Variants in NOM1 observed in about 807,000 individuals in gnomAD.
NOM1 encodes the protein nucleolar protein with MIF4G domain 1, also known as nucleolar MIF4G domain-containing protein 1.
A neutral mutation model predicts 73.3 loss-of-function variants in NOM1; 58 were observed. The observed-to-expected ratio is 0.79, with a 90% CI of 0.64 to 0.99. The LOEUF (loss-of-function observed/expected upper bound fraction) is 0.99. Among genes scored for constraint, NOM1 ranks in the 50% least tolerant of loss-of-function variants. The pLI, the probability that NOM1 is intolerant of heterozygous loss-of-function variation, is 0.00. For synonymous variants in NOM1, 487 were observed against 446.8 expected (o/e 1.09, Z -1.14); for missense variants, 1,226 against 1,131.9 (o/e 1.08, Z -1.19).
chr7:156,956,342 A>C (rs11979077), intron 3 of NOM1, among the ~76,000 whole-genome samples: 10 of 152,046 alleles, frequency 6.6e-5, no homozygotes, highest in African/African-American at 1.2e-4. Context: ...ACTTAGATGA[A>C]CTTGTGCCTC....
intron 7 of NOM1, among the ~76,000 whole-genome samples, chr7:156,965,975 C>T (rs1009264957): frequency 6.6e-6 from 1 of 152,158 alleles, no homozygotes; most frequent in Non-Finnish European, 1.5e-5. Context: ...AGGGCACACA[C>T]GATTGAGTCA....
At chr7:156,967,444 C>G (rs1454253941) in intron 9 of NOM1, among the ~76,000 whole-genome samples, 1 of 152,284 alleles carries the variant, frequency 6.6e-6, no homozygotes, top group East Asian at 1.9e-4. Flanking sequence ...TGAGTTTGCT[C>G]ACGTTGATGT....
chr7:156,967,191 C>T (rs920555941), intron 9 of NOM1, 99 bp downstream of exon 9: 11 of 1,379,052 alleles, frequency 8.0e-6, no homozygotes, highest in African/African-American at 4.4e-5. Context: ...GTATTTTCTT[C>T]GATTCTGATT....
rs143353880 is a variant in NOM1, at chr7:156,949,982, G to C, written c.245G>C (p.Arg82Pro). 2.6e-6 allele frequency: 4 copies of C among 1,540,596 alleles called. No homozygotes were observed. The highest frequency in any genetic ancestry group is 2.0e-5 in the Admixed American group (1 of 51,008). Residue 82 changes from arginine (R) to proline (P), a missense_variant, in exon 1 of 11, where the codon CGT (arginine) becomes CCT (proline). Arg to Pro is a moderately radical substitution (Grantham distance 103). Transcript: ENST00000275820. ...VSFRPGGRKS[R>P]KELRKEKRHL... ...TTTCGCCCGGGAGGGAGAAAAAGCC[G>C]TAAGGAACTGAGGAAGGAGAAGCGG... is the stretch of plus-strand genomic sequence containing the variant.
intron 2 of NOM1, among the ~76,000 whole-genome samples, chr7:156,953,112 GTTTTTTTGTT>G (rs1563678244): frequency 1.4e-5 from 2 of 145,930 alleles, no homozygotes; most frequent in African/African-American, 5.2e-5. Flanking sequence ...TTCTGTGTAG[GTTTTTTTGTT>G]TTGTTTTGTT....
At chr7:156,960,875 G>T (rs1308580156) in intron 4 of NOM1, among the ~76,000 whole-genome samples, 1 of 152,150 alleles carries the variant, frequency 6.6e-6, no homozygotes, top group Non-Finnish European at 1.5e-5. Flanking sequence ...GGCAAATGTT[G>T]GGATCGTGGC....
In NOM1 at chr7:156,949,942, G is replaced by A. The variant is rs566790316; in HGVS notation, c.205G>A (p.Gly69Ser). ...GEAPGGCEGR[G>S]APVSFRPGGR... ...GGCTCCCGGGGGTTGCGAGGGGCGC[G>A]GCGCCCCGGTGAGCTTTCGCCCGGG... The change falls in exon 1 of 11, where the codon GGC (glycine) becomes AGC (serine). Residue 69 changes from glycine (G) to serine (S), a missense_variant. Physicochemically the swap from Gly to Ser is moderately conservative, Grantham distance 56. Coordinates refer to ENST00000275820, the MANE Select transcript of NOM1 (RefSeq NM_138400.2). The A allele has an allele frequency of 5.6e-5, 87 of 1,541,898 alleles. 1 individual carries two copies. The Middle Eastern group carries it at 8.4e-4, about 15-fold the overall frequency.
In NOM1 at chr7:156,963,097, TGTGGGGTCCGCCTGGA is replaced by T; in HGVS notation, c.1840_1855del (p.Ser614ProfsTer3). On this transcript the variant is annotated frameshift_variant, in exon 6 of 11. Transcript: ENST00000275820. LOFTEE classifies it high-confidence loss of function. ...CGGAGCAGACGGGTCGCTGGTGGAT[TGTGGGGTCCGCCTGGA>T]GTGGGGCCCCGATGATCGACAACAG... The T allele has an allele frequency of 6.2e-7, 1 of 1,614,152 alleles. No individual in the cohort carries two copies.
intron 2 of NOM1, among the ~76,000 whole-genome samples, chr7:156,953,145 G>A (rs749431170): frequency 1.3e-5 from 2 of 152,020 alleles, no homozygotes; most frequent in African/African-American, 2.4e-5. Context: ...GTTTTGAGAT[G>A]GAGTTTTTGC....
intron 7 of NOM1, among the ~76,000 whole-genome samples, chr7:156,965,503 G>A (rs76988918): frequency 1.0e-3 from 152 of 152,336 alleles, no homozygotes; most frequent in African/African-American, 2.9e-3. Context: ...AGGTTCTCAC[G>A]GGTGATGGAG....
At position 156,949,980 on chromosome 7, in the gene NOM1, C is replaced by T. The variant is rs745611486; in HGVS notation, c.243C>T (p.Ser81=). 171 of 1,540,436 alleles carry T rather than the reference C, an allele frequency of 1.1e-4. 1 individual carries two copies. Among genetic ancestry groups the T allele is most frequent in the Admixed American group, 4.7e-4 (24 of 50,988 alleles). ...PVSFRPGGRK[S]RKELRKEKRH... is the part of the protein sequence containing the mutation. ...GCTTTCGCCCGGGAGGGAGAAAAAG[C>T]CGTAAGGAACTGAGGAAGGAGAAGC... is the stretch of plus-strand genomic sequence containing the variant. The change falls in exon 1 of 11, where the codon AGC becomes AGT. Residue 81 remains serine, a synonymous_variant. Transcript: ENST00000275820.
At chr7:156,966,939 C>G in intron 8 of NOM1, 22 bp from the exon 9 acceptor site, 1 of 1,585,590 alleles carries the variant, frequency 6.3e-7, no homozygotes, top group Non-Finnish European at 8.6e-7. Flanking sequence ...TGCCTTTTTT[C>G]TCCTTTTAAC....
At chr7:156,957,569 A>AT (rs1416517862) in intron 3 of NOM1, among the ~76,000 whole-genome samples, 1 of 152,040 alleles carries the variant, frequency 6.6e-6, no homozygotes, top group Non-Finnish European at 1.5e-5. Context: ...AGGTCAGGAG[A>AT]TTGAGACCAT....
intron 6 of NOM1, chr7:156,963,471 A>G: frequency 2.1e-6 from 1 of 487,206 alleles, no homozygotes; most frequent in East Asian, 3.9e-5. Flanking sequence ...GAGACCCCTC[A>G]GGCTGCCCCC....
In NOM1 at chr7:156,969,816, G is replaced by T; in HGVS notation, c.*113G>T. Reference sequence around the variant, plus strand: ...GTTTGGTAGAGCTATATCATTGTCTGTTAATGTATTATATTTTGAGATTTT... The same window carrying T: ...GTTTGGTAGAGCTATATCATTGTCTTTTAATGTATTATATTTTGAGATTTT... On this transcript the variant is annotated 3_prime_UTR_variant, in exon 11 of 11. Coordinates refer to ENST00000275820, the MANE Select transcript of NOM1 (RefSeq NM_138400.2). 1 of 995,782 alleles carries T rather than the reference G, an allele frequency of 1.0e-6. No individual in the cohort carries two copies. The allele number at this position is 995,782 out of a possible 1,614,324, so 61.7% of individuals were successfully genotyped here.
chr7:156,959,131 C>G (rs1019764238), intron 3 of NOM1, among the ~76,000 whole-genome samples: 11 of 148,218 alleles, frequency 7.4e-5, no homozygotes, highest in Admixed American at 2.7e-4. Flanking sequence ...TACACAGAGT[C>G]TTGCTCTGTC....
chr7:156,963,029 TC>T lies in NOM1; in HGVS notation c.1766del (p.Ser589LeufsTer13), dbSNP rs1192431065. 10 of 1,613,210 alleles carry T rather than the reference TC, an allele frequency of 6.2e-6. No homozygotes were observed. The highest frequency in any genetic ancestry group is 7.6e-6 in the Non-Finnish European group (9 of 1,179,292). The stretch of plus-strand genomic sequence containing the variant: ...TCAGGTCCGCAACGCCGGCTCAGGT[TC>T]TGAGACGCAGCTTCGCGTCTCCTGG... ...RALVRNAGSGSETQLRVSWDS... is the reference protein window; with the variant it reads ...RALVRNAGSGXETQLRVSWDS... On this transcript the variant is annotated frameshift_variant, in exon 6 of 11. Transcript: ENST00000275820. LOFTEE classifies it high-confidence loss of function.
rs569215347 is a variant in NOM1 at position 156,962,229 on chromosome 7, G to C, written c.1711G>C (p.Val571Leu). Residue 571 changes from valine (V) to leucine (L), a missense_variant, in exon 5 of 11, where the codon GTG becomes CTG. By Grantham distance (32) the Val-to-Leu change is conservative (BLOSUM62 1). Transcript: ENST00000275820. ...RKIPGYDPEP[V>L]EKLRKLQRAL... Reference sequence around the variant, plus strand: ...AATTCCAGGCTATGACCCCGAGCCCGTGGAGAAGCTGAGGAAACTGCAGAG... The same window carrying C: ...AATTCCAGGCTATGACCCCGAGCCCCTGGAGAAGCTGAGGAAACTGCAGAG... 1.2e-6 allele frequency: 2 copies of C among 1,614,090 alleles called. No homozygotes were observed. The highest frequency in any genetic ancestry group is 2.2e-5 in the East Asian group (1 of 44,868).
At chr7:156,964,485 G>A (rs1804947462) in intron 7 of NOM1, among the ~76,000 whole-genome samples, 2 of 151,998 alleles carry the variant, frequency 1.3e-5, no homozygotes, top group African/African-American at 4.8e-5. Flanking sequence ...TAAAGATCCT[G>A]TAATCCCAGC....
Sources: gnomAD v4.1 joint callset for allele counts (sites outside exome capture counted in the v4.1 genomes callset) on GRCh38, gnomAD v4.1.1 for gene constraint, MANE v1.5 for transcripts, NCBI Gene and HGNC (gene_info 2026-07-23, HGNC 2026-07-21) for gene names.